LMO2: variants seen among roughly 807,000 people sequenced by gnomAD.
LMO2 encodes rhombotin-2.
A neutral mutation model predicts 23.2 loss-of-function variants in LMO2; 20 were observed. The ratio of observed to expected loss-of-function variants is 0.86; its 90% CI spans 0.61 to 1.25. The LOEUF is 1.25. Among genes scored for constraint, LMO2 ranks in the 50% most tolerant of loss-of-function variants. The pLI is 0.00. For missense variants in LMO2, 270 were observed against 315.3 expected (o/e 0.86, Z 1.09); for synonymous variants, 123 against 130.2 (o/e 0.94, Z 0.38).
chr11:33,868,699 T>C (rs1315792995), intron 4 of LMO2, among the ~76,000 whole-genome samples: 2 of 152,168 alleles, frequency 1.3e-5, no homozygotes, highest in African/African-American at 4.8e-5. Context: ...AATGGTGCAT[T>C]AACTTTCGAG....
In LMO2 at chr11:33,864,627, T is replaced by A. The variant is rs1465358431; in HGVS notation, c.439A>T (p.Lys147Ter). 6.2e-7 allele frequency: 1 copy of A among 1,613,772 alleles called. No individual in the cohort carries two copies. Among genetic ancestry groups the A allele is most frequent in the East Asian group, 2.2e-5 (1 of 44,892 alleles). The change falls in exon 5 of 6, where the codon AAG (lysine) becomes TAG (stop). Residue 147 changes from lysine to a stop codon, truncating the protein, a stop_gained. Coordinates refer to ENST00000257818, the MANE Select transcript of LMO2 (RefSeq NM_005574.4). LOFTEE classifies it high-confidence loss of function. The surrounding 1 kb of genome is among the most constrained non-coding windows in gnomAD (Gnocchi z 4.8). ...GRRLYYKLGR[K>*]LCRRDYLRLF... ...CTGAGATAGTCTCTCCGGCAGAGCT[T>A]CCGGCCCAGTTTGTAGTAGAGGCGC...
At position 33,880,182 on chromosome 11, in the gene LMO2, T is replaced by TATATATATATC; in HGVS notation, c.-272+1641_-272+1642insGATATATATAT. Among the ~76,000 whole-genome samples the TATATATATATC allele has an allele frequency of 2.7e-5, 4 of 148,510 alleles. No individual in the cohort carries two copies. The highest frequency in any genetic ancestry group is 7.2e-3 in the Middle Eastern group (2 of 278). On this transcript the variant is annotated intron_variant, in intron 2 of 5. Coordinates refer to ENST00000257818, the MANE Select transcript of LMO2 (RefSeq NM_005574.4). This position sits in a 1 kb window ranked among gnomAD's most constrained non-coding sequence, Gnocchi z 4.3. Reference sequence around the variant, plus strand: ...ATATACATATGATATATACACATGATATATATATCATATATACACATGATA... The same window carrying TATATATATATC: ...ATATACATATGATATATACACATGATATATATATATCATATATATCATATATACACATGATA...
At chr11:33,873,599 G>A (rs902829680) in intron 2 of LMO2, among the ~76,000 whole-genome samples, 2 of 152,266 alleles carry the variant, frequency 1.3e-5, no homozygotes, top group South Asian at 2.1e-4. Flanking sequence ...CATGTAAAAC[G>A]GTTCTTTTAA....
At chr11:33,869,639 C>T in intron 3 of LMO2, 53 bp from the exon 4 acceptor site, 3 of 1,256,486 alleles carry the variant, frequency 2.4e-6, no homozygotes, top group Non-Finnish European at 3.0e-6. Context: ...CGCGCCGCGG[C>T]CGAGGCGGGG....
Position 33,864,978 on chromosome 11 carries a change from TC to T in LMO2, c.249-162del. The T allele has an allele frequency of 1.5e-6, 1 of 685,980 alleles. No individual in the cohort carries two copies. The highest frequency in any genetic ancestry group is 2.1e-5 in the Admixed American group (1 of 48,028). 42.5% of individuals were successfully genotyped at this position (685,980 alleles called of 1,614,324 possible). A position where few individuals can be genotyped will look rare whatever the true frequency, so the allele number is the denominator to read the frequency against. On this transcript the variant is annotated intron_variant, in intron 4 of 5. Coordinates refer to ENST00000257818, the MANE Select transcript of LMO2 (RefSeq NM_005574.4). This position sits in a 1 kb window ranked among gnomAD's most constrained non-coding sequence, Gnocchi z 4.8. ...CACATCCCTTGGCCAGACTGCAGAG[TC>T]CCAACCAACCTTGGGTTAAGACGGG...
At chr11:33,888,374 G>T (rs2099372308) in intron 1 of LMO2, among the ~76,000 whole-genome samples, 2 of 152,108 alleles carry the variant, frequency 1.3e-5, no homozygotes, top group African/African-American at 4.8e-5. Context: ...GCTCTCCCAA[G>T]GTTTCCTTCT....
chr11:33,868,064 G>GT (rs1856850817), intron 4 of LMO2, among the ~76,000 whole-genome samples: 1 of 152,158 alleles, frequency 6.6e-6, no homozygotes, highest in Non-Finnish European at 1.5e-5. Flanking sequence ...GGAAGTGGGG[G>GT]TTTTTGTTAT....
intron 1 of LMO2, among the ~76,000 whole-genome samples, chr11:33,883,164 T>A (rs1857326619): frequency 6.6e-6 from 1 of 152,232 alleles, no homozygotes; most frequent in Non-Finnish European, 1.5e-5. Flanking sequence ...ATACAAGATG[T>A]CCAACGTTTT....
At position 33,858,679 on chromosome 11, in the gene LMO2, T is replaced by A. The variant is rs1215991023; in HGVS notation, c.*677A>T. 3 of 195,176 alleles carry A rather than the reference T, an allele frequency of 1.5e-5. No homozygotes were observed. Among genetic ancestry groups the A allele is most frequent in the African/African-American group, 6.9e-5 (3 of 43,210 alleles). The allele number at this position is 195,176 out of a possible 1,614,324, so 12.1% of individuals were successfully genotyped here. ...ATAATAAAATAGTTGAACAACTTTT[T>A]AAGATTTATATTTGTATAGAAACAA... is the stretch of plus-strand genomic sequence containing the variant. On this transcript the variant is annotated 3_prime_UTR_variant, in exon 6 of 6. Transcript: ENST00000257818.
Position 33,859,000 on chromosome 11 carries a change from CACA to C in LMO2, c.*353_*355del, listed in dbSNP as rs1160192320. On this transcript the variant is annotated 3_prime_UTR_variant, in exon 6 of 6. Transcript: ENST00000257818. ...ATCTCTAGTTCGCAAGCGTCAAAGT[CACA>C]ACAAGTCTGTACACAACAACTCTCT... is the stretch of plus-strand genomic sequence containing the variant. The C allele has an allele frequency of 3.3e-5, 9 of 274,344 alleles. No individual in the cohort carries two copies. Among genetic ancestry groups the C allele is most frequent in the East Asian group, 5.2e-5 (1 of 19,336 alleles). 17.0% of individuals were successfully genotyped at this position (274,344 alleles called of 1,614,324 possible).
intron 2 of LMO2, among the ~76,000 whole-genome samples, chr11:33,874,616 G>A (rs2133704829): frequency 6.6e-6 from 1 of 152,338 alleles, no homozygotes; most frequent in East Asian, 1.9e-4. Context: ...ACTGTATCAG[G>A]AAGCAACAAT....
intron 2 of LMO2, among the ~76,000 whole-genome samples, chr11:33,876,099 C>T (rs1343348264): frequency 2.6e-5 from 4 of 152,156 alleles, no homozygotes; most frequent in Non-Finnish European, 5.9e-5. Flanking sequence ...ATGCTTTCCC[C>T]CTGGATCACC....
At position 33,892,018 on chromosome 11, in the gene LMO2, T is replaced by C. The variant is rs1857567643; in HGVS notation, c.-559A>G. 6.6e-6 allele frequency: 1 copy of C among 152,242 alleles called. No homozygotes were observed. The highest frequency in any genetic ancestry group is 2.4e-5 in the African/African-American group (1 of 41,434). The allele number at this position is 152,242 out of a possible 1,614,324, so 9.4% of individuals were successfully genotyped here. On this transcript the variant is annotated 5_prime_UTR_variant, in exon 1 of 6. Transcript: ENST00000257818. ...GCTGAGGGCAGGTGGGGGTATTTCC[T>C]TCTCAATTCTGCTCAAGGCCCGTTG...
rs565026877 is a variant in LMO2 at position 33,878,414 on chromosome 11, G to A, written c.-272+3410C>T. Among the ~76,000 whole-genome samples the A allele has an allele frequency of 3.0e-4, 46 of 152,222 alleles. No homozygotes were observed. In the South Asian group the frequency reaches 8.7e-3, roughly 29 times the overall value. On this transcript the variant is annotated intron_variant, in intron 2 of 5. Transcript: ENST00000257818. ...AGAGGCTTTGAGATAAATAAACCTG[G>A]CTTCAAGTCTCTGCTTTACAACTTA...
chr11:33,874,875 A>T (rs547815369), intron 2 of LMO2, among the ~76,000 whole-genome samples: 1 of 152,318 alleles, frequency 6.6e-6, no homozygotes, highest in South Asian at 2.1e-4. Flanking sequence ...TTTATAATTT[A>T]AAAAAGAAGC....
rs556708463 is a variant in LMO2 at position 33,860,774 on chromosome 11, GA to G, written c.465-1200del. Among the ~76,000 whole-genome samples the G allele has an allele frequency of 1.4e-3, 211 of 152,116 alleles. 1 individual carries two copies. Among genetic ancestry groups the G allele is most frequent in the African/African-American group, 4.8e-3 (201 of 41,476 alleles). On this transcript the variant is annotated intron_variant, in intron 5 of 5. Transcript: ENST00000257818. The stretch of plus-strand genomic sequence containing the variant: ...CACAGAGCCATACCTTGACTCAAAA[GA>G]AAAGCAAAAACTAAACAAACAAACA...
chr11:33,877,461 CT>C (rs398015741), intron 2 of LMO2, among the ~76,000 whole-genome samples: 30 of 104,404 alleles, frequency 2.9e-4, no homozygotes, highest in Admixed American at 1.0e-3. Flanking sequence ...TCTCCAGATT[CT>C]TTTTTTTTTT....
intron 1 of LMO2, among the ~76,000 whole-genome samples, chr11:33,889,440 G>A (rs764064409): frequency 1.3e-4 from 20 of 152,162 alleles, no homozygotes; most frequent in Non-Finnish European, 2.1e-4. Flanking sequence ...GTTCTGTTGT[G>A]CCAGACAAAG....
intron 2 of LMO2, 83 bp from the exon 3 acceptor site, chr11:33,870,070 CTTTTTT>C (rs10608793): frequency 1.7e-4 from 40 of 238,266 alleles, no homozygotes; most frequent in Non-Finnish European, 2.4e-4. Context: ...TTTTTTCTTC[CTTTTTT>C]TTTTTTTTTT....
Sources: gnomAD v4.1 joint callset for allele counts (sites outside exome capture counted in the v4.1 genomes callset) on GRCh38, gnomAD v4.1.1 for gene constraint, Gnocchi (gnomAD v3.1) non-coding constraint, MANE v1.5 for transcripts, NCBI Gene and HGNC (gene_info 2026-07-23, HGNC 2026-07-21) for gene names.